CTNNA3: variants seen among roughly 807,000 people sequenced by gnomAD.
CTNNA3 encodes catenin alpha-3.
CTNNA3 carries 76 observed loss-of-function variants against 95.7 expected under a neutral mutation model. The ratio of observed to expected loss-of-function variants is 0.79; its 90% CI spans 0.66 to 0.96. The LOEUF (loss-of-function observed/expected upper bound fraction) is 0.96, where lower values mean the gene tolerates loss of function less well. Among genes scored for constraint, CTNNA3 ranks in the 40% least tolerant of loss-of-function variants. The pLI is 0.00. For missense variants in CTNNA3, 1,191 were observed against 1,089.8 expected (o/e 1.09, Z -1.31); for synonymous variants, 431 against 374.4 (o/e 1.15, Z -1.74).
chr10:65,949,348 T>C (rs2133203423), intron 17 of CTNNA3, among the ~76,000 whole-genome samples: 1 of 152,308 alleles, frequency 6.6e-6, no homozygotes, highest in African/African-American at 2.4e-5. Flanking sequence ...ATATCATAAG[T>C]TTACTTGTAG....
chr10:67,100,391 A>AT (rs1321732866), intron 7 of CTNNA3, among the ~76,000 whole-genome samples: 3 of 151,522 alleles, frequency 2.0e-5, no homozygotes, highest in Admixed American at 2.0e-4. Flanking sequence ...GATTATTATT[A>AT]TTTTTGCTTA....
chr10:66,631,025 A>G (rs142408316), intron 9 of CTNNA3, among the ~76,000 whole-genome samples: 1 of 152,216 alleles, frequency 6.6e-6, no homozygotes, highest in African/African-American at 2.4e-5. Context: ...CTACAAGAAG[A>G]TAGAGGTAGG....
intron 15 of CTNNA3, among the ~76,000 whole-genome samples, chr10:66,054,068 T>C (rs2080020345): frequency 6.6e-6 from 1 of 152,194 alleles, no homozygotes; most frequent in African/African-American, 2.4e-5. Flanking sequence ...TTCATTCTTT[T>C]TATTGTTGAA....
intron 14 of CTNNA3, among the ~76,000 whole-genome samples, chr10:66,076,431 A>G (rs2080561322): frequency 6.6e-6 from 1 of 151,776 alleles, no homozygotes; most frequent in East Asian, 1.9e-4. Flanking sequence ...ATTAAGAGCA[A>G]TTTTCTGTAA....
At chr10:67,726,972 A>G (rs1244439592) in intron 1 of CTNNA3, among the ~76,000 whole-genome samples, 1 of 115,858 alleles carries the variant, frequency 8.6e-6, no homozygotes, top group Non-Finnish European at 1.6e-5. Flanking sequence ...TTATATATAT[A>G]ATATACGATA....
At chr10:67,269,624 T>C (rs575345744) in intron 5 of CTNNA3, among the ~76,000 whole-genome samples, 2 of 152,262 alleles carry the variant, frequency 1.3e-5, no homozygotes, top group Admixed American at 6.5e-5. Flanking sequence ...AAAATTTCCC[T>C]TACTTATTTC....
chr10:65,925,494 TG>T (rs2077156286), intron 17 of CTNNA3, among the ~76,000 whole-genome samples: 1 of 152,174 alleles, frequency 6.6e-6, no homozygotes, highest in South Asian at 2.1e-4. Context: ...TGGAGTGCAT[TG>T]GTGTGATCTC....
intron 13 of CTNNA3, among the ~76,000 whole-genome samples, chr10:66,157,520 TAGATAGATAG>T (rs2084602579): frequency 6.6e-6 from 1 of 150,478 alleles, no homozygotes; most frequent in Non-Finnish European, 1.5e-5. Context: ...GATAGATAGA[TAGATAGATAG>T]ATAGATAGAT....
chr10:65,971,129 C>T (rs1322995933), intron 16 of CTNNA3, among the ~76,000 whole-genome samples: 2 of 151,454 alleles, frequency 1.3e-5, no homozygotes, highest in East Asian at 3.9e-4. Context: ...ATAATAGACA[C>T]AACATATAAA....
intron 7 of CTNNA3, among the ~76,000 whole-genome samples, chr10:66,782,494 T>C (rs1261177758): frequency 2.0e-5 from 3 of 152,054 alleles, no homozygotes; most frequent in African/African-American, 7.2e-5. Flanking sequence ...TCAATTTTGC[T>C]ATAAAAATTT....
chr10:66,656,142 A>G (rs868700063), intron 9 of CTNNA3, among the ~76,000 whole-genome samples: 16 of 152,126 alleles, frequency 1.1e-4, no homozygotes, highest in Admixed American at 7.2e-4. Flanking sequence ...AACCAGCTAC[A>G]AAGTGCAGAG....
chr10:66,094,150 T>C (rs2081307137), intron 14 of CTNNA3, among the ~76,000 whole-genome samples: 2 of 151,974 alleles, frequency 1.3e-5, no homozygotes, highest in South Asian at 2.1e-4. Context: ...GATGAGCAGA[T>C]ACTAGTAAAG....
At chr10:67,041,303 T>A (rs1313758150) in intron 7 of CTNNA3, among the ~76,000 whole-genome samples, 1 of 152,116 alleles carries the variant, frequency 6.6e-6, no homozygotes, top group Admixed American at 6.5e-5. Context: ...TTATGGAGAG[T>A]TAAGGCTCCC....
Position 65,996,857 on chromosome 10 carries a change from C to G in CTNNA3, c.2160-8060G>C, listed in dbSNP as rs1445765052. ...TTTCATGACACTCCTCTGTTGAATT[C>G]CAGTGTTCTGTCTTAGATGCTGTAT... On this transcript the variant is annotated intron_variant, in intron 15 of 17. Transcript: ENST00000433211. Among the ~76,000 whole-genome samples, 11 of 152,140 alleles carry G rather than the reference C, an allele frequency of 7.2e-5. No homozygotes were observed. In the East Asian group the frequency reaches 1.9e-3, roughly 27 times the overall value.
chr10:66,235,784 T>A (rs1037983), intron 13 of CTNNA3, among the ~76,000 whole-genome samples: 1 of 286 alleles, frequency 3.5e-3, no homozygotes, highest in Non-Finnish European at 9.8e-3. Flanking sequence ...AATCTGACAA[T>A]TAATAGGGCC....
chr10:66,360,900 T>TTCTTC (rs2092668421), intron 12 of CTNNA3, among the ~76,000 whole-genome samples: 3 of 104,244 alleles, frequency 2.9e-5, no homozygotes, highest in Non-Finnish European at 4.4e-5. Flanking sequence ...TTTATTTCTT[T>TTCTTC]CTCTCTCTCT....
At chr10:66,258,496 A>G (rs1434950193) in intron 13 of CTNNA3, among the ~76,000 whole-genome samples, 2 of 152,186 alleles carry the variant, frequency 1.3e-5, no homozygotes, top group African/African-American at 4.8e-5. Context: ...AACAACCTCT[A>G]TCGTGGACTA....
chr10:67,720,274 T>A (rs551612548), intron 1 of CTNNA3, among the ~76,000 whole-genome samples: 2 of 151,228 alleles, frequency 1.3e-5, no homozygotes, highest in South Asian at 4.2e-4. Flanking sequence ...GTCTTGACTG[T>A]TTATCCAATT....
chr10:66,902,299 T>C (rs1845784940), intron 7 of CTNNA3, among the ~76,000 whole-genome samples: 1 of 151,978 alleles, frequency 6.6e-6, no homozygotes, highest in South Asian at 2.1e-4. Context: ...AATAACGAAA[T>C]GAAGGCAGAA....
Sources: allele counts gnomAD v4.1 joint callset (sites outside exome capture counted in the v4.1 genomes callset), GRCh38; gene constraint gnomAD v4.1.1; transcripts MANE v1.5; gene names NCBI Gene and HGNC (gene_info 2026-07-23, HGNC 2026-07-21).